Variants in NUP153 observed in about 807,000 individuals in gnomAD.
NUP153 encodes nuclear pore complex protein Nup153.
Under a neutral mutation model 134.6 loss-of-function variants are expected in NUP153, and 27 were observed. That is an observed-to-expected ratio of 0.20 (90% CI 0.15 to 0.28). NUP153 has a LOEUF of 0.28. NUP153 is among the 10% of genes least tolerant of loss of function. The probability of loss-of-function intolerance (pLI) is 1.00; values close to 1 mark genes in which losing one functional copy is unlikely to be tolerated. For missense variants in NUP153, 1,821 were observed against 1,731.3 expected (o/e 1.05, Z -0.92); for synonymous variants, 640 against 623.5 (o/e 1.03, Z -0.40).
At chr6:17,702,595 G>C (rs905490604) in intron 1 of NUP153, among the ~76,000 whole-genome samples, 2 of 151,990 alleles carry the variant, frequency 1.3e-5, no homozygotes, top group Non-Finnish European at 2.9e-5. Context: ...AGAATAGCTT[G>C]AACCCAGGAG....
At chr6:17,630,766 A>C (rs1765207068) in intron 17 of NUP153, among the ~76,000 whole-genome samples, 1 of 146,682 alleles carries the variant, frequency 6.8e-6, no homozygotes, top group Non-Finnish European at 1.5e-5. Context: ...GGGAGAGGGG[A>C]GAGGGGAGAG....
At chr6:17,665,134 G>T in intron 9 of NUP153, 105 bp downstream of exon 9, 4 of 691,224 alleles carry the variant, frequency 5.8e-6, no homozygotes, top group Non-Finnish European at 6.8e-6. Flanking sequence ...CAACCTTTAT[G>T]TGTTATACAG....
chr6:17,656,088 C>T (rs1280392216), intron 11 of NUP153, among the ~76,000 whole-genome samples: 1 of 151,412 alleles, frequency 6.6e-6, no homozygotes, highest in Non-Finnish European at 1.5e-5. Flanking sequence ...GCTTGTAATC[C>T]CAGCTACTCA....
intron 14 of NUP153, among the ~76,000 whole-genome samples, chr6:17,645,303 C>CTT (rs373424400): frequency 1.4e-5 from 2 of 146,614 alleles, no homozygotes; most frequent in East Asian, 2.0e-4. Flanking sequence ...TCATTTCTTT[C>CTT]TTTTTTTTTG....
intron 14 of NUP153, among the ~76,000 whole-genome samples, chr6:17,644,659 T>A (rs949336039): frequency 6.6e-6 from 1 of 152,044 alleles, no homozygotes; most frequent in East Asian, 1.9e-4. Context: ...AAAAACAAAT[T>A]CGGCCAGGCA....
At chr6:17,679,510 A>G (rs1463104457) in intron 2 of NUP153, among the ~76,000 whole-genome samples, 1 of 152,180 alleles carries the variant, frequency 6.6e-6, no homozygotes, top group African/African-American at 2.4e-5. Context: ...GAAATAGAAA[A>G]CCCATCCTAA....
Position 17,704,493 on chromosome 6 carries a change from G to T in NUP153, c.111+1784C>A, listed in dbSNP as rs115661537. 5.6e-3 allele frequency among the ~76,000 whole-genome samples: 859 copies of T among 152,216 alleles called. 3 individuals are homozygous for T. The highest frequency in any genetic ancestry group is 0.019 in the African/African-American group (795 of 41,520). On this transcript the variant is annotated intron_variant, in intron 1 of 21. Coordinates refer to ENST00000262077, the MANE Select transcript of NUP153 (RefSeq NM_005124.4). ...TAACTTCCATTCTACAGACGGATTA[G>T]GTTAAATGGCCAGGCTTGTGACCTG...
At position 17,706,914 on chromosome 6, in the gene NUP153, G is replaced by A. The variant is rs183944689; in HGVS notation, c.-527C>T. On this transcript the variant is annotated 5_prime_UTR_variant, in exon 1 of 22. Transcript: ENST00000262077. This position sits in a 1 kb window ranked among gnomAD's most constrained non-coding sequence, Gnocchi z 5.9. Reference sequence around the variant, plus strand: ...CCCTGCTAAGGCGGCTGCCGCGGTCGCGAGCCAGAATGTCGTCACTCATCG... The same window carrying A: ...CCCTGCTAAGGCGGCTGCCGCGGTCACGAGCCAGAATGTCGTCACTCATCG... 1.3e-5 allele frequency: 2 copies of A among 156,080 alleles called. No individual in the cohort carries two copies. The highest frequency in any genetic ancestry group is 2.9e-5 in the Non-Finnish European group (2 of 70,030). 9.7% of individuals were successfully genotyped at this position (156,080 alleles called of 1,614,324 possible). A position where few individuals can be genotyped will look rare whatever the true frequency, so the allele number is the denominator to read the frequency against.
chr6:17,626,255 T>C, intron 18 of NUP153, 91 bp from the exon 19 acceptor site: 1 of 910,886 alleles, frequency 1.1e-6, no homozygotes, highest in Non-Finnish European at 1.7e-6. Context: ...AGAATTTTCC[T>C]ACCCTAGAAT....
At position 17,616,306 on chromosome 6, in the gene NUP153, G is replaced by T. The variant is rs1300239347; in HGVS notation, c.4344-125C>A. 9.5e-6 allele frequency: 6 copies of T among 632,410 alleles called. No homozygotes were observed. In the East Asian group the frequency reaches 1.8e-4, roughly 19 times the overall value. 39.2% of individuals were successfully genotyped at this position (632,410 alleles called of 1,614,324 possible). A position where few individuals can be genotyped will look rare whatever the true frequency, so the allele number is the denominator to read the frequency against. On this transcript the variant is annotated intron_variant, in intron 21 of 21. Coordinates refer to ENST00000262077, the MANE Select transcript of NUP153 (RefSeq NM_005124.4). ...GTGGGGGGGGAGTAGACTCACATTG[G>T]TATATACATTTTCTGCTACACCTAA... is the stretch of plus-strand genomic sequence containing the variant.
chr6:17,627,224 G>A (rs1394322938), intron 18 of NUP153, among the ~76,000 whole-genome samples: 1 of 152,112 alleles, frequency 6.6e-6, no homozygotes, highest in African/African-American at 2.4e-5. Context: ...ATAGCCTGGT[G>A]TTTTCATCAT....
intron 20 of NUP153, among the ~76,000 whole-genome samples, chr6:17,618,459 G>C (rs75217959): frequency 6.6e-6 from 1 of 151,832 alleles, no homozygotes. Context: ...TCATCCACTG[G>C]AGAGTTGGGT....
At chr6:17,696,724 C>T (rs1234823363) in intron 1 of NUP153, among the ~76,000 whole-genome samples, 1 of 151,910 alleles carries the variant, frequency 6.6e-6, no homozygotes, top group East Asian at 1.9e-4. Context: ...CACTGCACTC[C>T]AACCTGGGCC....
chr6:17,617,828 G>C (rs1245490021), intron 20 of NUP153, among the ~76,000 whole-genome samples: 1 of 151,944 alleles, frequency 6.6e-6, no homozygotes, highest in African/African-American at 2.4e-5. Context: ...CTGGGAAACA[G>C]AGTGAGACCC....
intron 11 of NUP153, among the ~76,000 whole-genome samples, chr6:17,650,027 A>AC (rs1766424260): frequency 6.6e-6 from 1 of 152,186 alleles, no homozygotes; most frequent in Admixed American, 6.6e-5. Flanking sequence ...AACAAAGAGC[A>AC]CCCTAAGTCT....
chr6:17,624,910 C>A lies in NUP153; in HGVS notation c.3902-77G>T, dbSNP rs138493266. ...TCCTCAAGAAATTTCTGTAAACCCA[C>A]AAGCAAATGTCAAGCTTCGTTTCAG... On this transcript the variant is annotated intron_variant, in intron 19 of 21. Coordinates refer to ENST00000262077, the MANE Select transcript of NUP153 (RefSeq NM_005124.4). The A allele has an allele frequency of 3.5e-5, 49 of 1,383,026 alleles. No homozygotes were observed. In the Admixed American group the frequency reaches 1.3e-3, roughly 37 times the overall value. 85.7% of individuals were successfully genotyped at this position (1,383,026 alleles called of 1,614,324 possible). A position where few individuals can be genotyped will look rare whatever the true frequency, so the allele number is the denominator to read the frequency against.
intron 1 of NUP153, among the ~76,000 whole-genome samples, chr6:17,694,102 T>C (rs1473109677): frequency 2.0e-5 from 3 of 152,250 alleles, no homozygotes; most frequent in African/African-American, 7.2e-5. Flanking sequence ...GTTTATGCGT[T>C]ACATATTATG....
At chr6:17,679,172 G>T (rs1768418182) in intron 2 of NUP153, among the ~76,000 whole-genome samples, 1 of 152,124 alleles carries the variant, frequency 6.6e-6, no homozygotes, top group African/African-American at 2.4e-5. Context: ...TCAGCCAAAA[G>T]CTGTTAGAGC....
In NUP153 at chr6:17,638,721, G is replaced by T. The variant is rs1765687066; in HGVS notation, c.1847-951C>A. 6.6e-6 allele frequency among the ~76,000 whole-genome samples: 1 copy of T among 152,200 alleles called. No homozygotes were observed. Among genetic ancestry groups the T allele is most frequent in the South Asian group, 2.1e-4 (1 of 4,832 alleles). The stretch of plus-strand genomic sequence containing the variant: ...TTCCTATTTAAGAAGTAAAAAGGGA[G>T]CAGGGGGAGGTTGGCATCATGAATG... On this transcript the variant is annotated intron_variant, in intron 15 of 21. Coordinates refer to ENST00000262077, the MANE Select transcript of NUP153 (RefSeq NM_005124.4). The surrounding 1 kb of genome is among the most constrained non-coding windows in gnomAD (Gnocchi z 4.0).
Sources: gnomAD v4.1 joint callset for allele counts (sites outside exome capture counted in the v4.1 genomes callset) on GRCh38, gnomAD v4.1.1 for gene constraint, Gnocchi (gnomAD v3.1) non-coding constraint, MANE v1.5 for transcripts, NCBI Gene and HGNC (gene_info 2026-07-23, HGNC 2026-07-21) for gene names.